Variants in RBM25 observed in about 807,000 individuals in gnomAD.
RBM25 encodes RNA binding motif protein 25.
A neutral mutation model predicts 120.7 loss-of-function variants in RBM25; 19 were observed. The observed-to-expected ratio is 0.16, with a 90% CI of 0.11 to 0.23. The LOEUF is 0.23. RBM25 is among the 10% of genes least tolerant of loss of function. The pLI is 1.00. For synonymous variants in RBM25, 390 were observed against 326.7 expected (o/e 1.19, Z -2.09); for missense variants, 605 against 1,041.5 (o/e 0.58, Z 5.77).
At chr14:73,093,549 C>T (rs1482328518) in intron 6 of RBM25, among the ~76,000 whole-genome samples, 3 of 152,184 alleles carry the variant, frequency 2.0e-5, no homozygotes, top group Non-Finnish European at 4.4e-5. Flanking sequence ...TCTTGTCGCC[C>T]AGGCTGGAGT....
Position 73,103,276 on chromosome 14 carries a change from A to AGGGAACGAGAAAGGCGAGAAC in RBM25, c.967_987dup (p.Arg323_Arg329dup). ...GAGAGAAAGAGAGAGGGAGCGTGAA[A>AGGGAACGAGAAAGGCGAGAAC]GGGAACGAGAAAGGCGAGAACGGGA... On this transcript the variant is annotated inframe_insertion, in exon 10 of 19. Coordinates refer to ENST00000261973, the MANE Select transcript of RBM25 (RefSeq NM_021239.3). The AGGGAACGAGAAAGGCGAGAAC allele has an allele frequency of 6.3e-7, 1 of 1,592,072 alleles. No homozygotes were observed. Among genetic ancestry groups the AGGGAACGAGAAAGGCGAGAAC allele is most frequent in the Non-Finnish European group, 8.6e-7 (1 of 1,167,918 alleles).
In RBM25 at chr14:73,103,382, G is replaced by A. The variant is rs1242801651; in HGVS notation, c.1058G>A (p.Arg353Gln). 5 of 1,611,542 alleles carry A rather than the reference G, an allele frequency of 3.1e-6. No individual in the cohort carries two copies. Among genetic ancestry groups the A allele is most frequent in the Non-Finnish European group, 4.2e-6 (5 of 1,178,908 alleles). The stretch of plus-strand genomic sequence containing the variant: ...CGAGAACGGGATAGGGACCGTGACC[G>A]GACAAAAGAGAGAGACCGAGATCGG... ...RERERDRDRD[R>Q]TKERDRDRDR... is the part of the protein sequence containing the mutation. Residue 353 changes from arginine (R) to glutamine (Q), a missense_variant, in exon 10 of 19, where the codon CGG becomes CAG. This residue lies in a region of RBM25 where 465 missense variants were observed against 741.6 expected (regional missense o/e 0.63). Transcript: ENST00000261973.
intron 14 of RBM25, 105 bp downstream of exon 14, chr14:73,109,597 T>C: frequency 9.2e-7 from 1 of 1,082,586 alleles, no homozygotes; most frequent in South Asian, 1.6e-5. Flanking sequence ...ATCGAGATCA[T>C]CCTGGCTAAC....
intron 12 of RBM25, among the ~76,000 whole-genome samples, chr14:73,107,120 C>T (rs1896207215): frequency 6.6e-6 from 1 of 152,150 alleles, no homozygotes; most frequent in African/African-American, 2.4e-5. Flanking sequence ...GGATTACAGG[C>T]GTGTGCCACC....
chr14:73,110,180 C>T (rs1026934989), intron 14 of RBM25, among the ~76,000 whole-genome samples: 4 of 147,550 alleles, frequency 2.7e-5, no homozygotes, highest in African/African-American at 5.1e-5. Context: ...CCACCGTGCC[C>T]GGCCTTTTTT....
chr14:73,114,843 C>T (rs888772021), intron 18 of RBM25, among the ~76,000 whole-genome samples: 7 of 152,092 alleles, frequency 4.6e-5, no homozygotes, highest in Middle Eastern at 3.2e-3. Context: ...TGCAGTGAGC[C>T]GAGATCATGC....
In RBM25 at chr14:73,081,866, C is replaced by G. The variant is rs1236992370; in HGVS notation, c.325-1628C>G. Reference sequence around the variant, plus strand: ...ACTGTTTTTCCCTGGAATGCCTCTCCTAGTGAGGATTTGACTGATTGGAGG... The same window carrying G: ...ACTGTTTTTCCCTGGAATGCCTCTCGTAGTGAGGATTTGACTGATTGGAGG... On this transcript the variant is annotated intron_variant, in intron 4 of 18. Coordinates refer to ENST00000261973, the MANE Select transcript of RBM25 (RefSeq NM_021239.3). Among the ~76,000 whole-genome samples, 4 of 152,184 alleles carry G rather than the reference C, an allele frequency of 2.6e-5. No homozygotes were observed. In the South Asian group the frequency reaches 6.2e-4, roughly 24 times the overall value.
intron 18 of RBM25, 98 bp downstream of exon 18, chr14:73,114,431 A>G (rs971352391): frequency 1.6e-5 from 13 of 833,642 alleles, no homozygotes; most frequent in Non-Finnish European, 2.4e-5. Context: ...CACGTTGCCC[A>G]GGGTAGTCTT....
At chr14:73,078,603 A>G (rs1006743894) in intron 4 of RBM25, among the ~76,000 whole-genome samples, 1 of 152,206 alleles carries the variant, frequency 6.6e-6, no homozygotes, top group African/African-American at 2.4e-5. Context: ...CCATGATCCA[A>G]TGAAAGATTT....
intron 6 of RBM25, among the ~76,000 whole-genome samples, chr14:73,096,620 T>C (rs1895947324): frequency 6.6e-6 from 1 of 152,200 alleles, no homozygotes; most frequent in Non-Finnish European, 1.5e-5. Context: ...AGCAAAACAG[T>C]CTGAAAACTT....
At chr14:73,117,947 T>A (rs1319344071) in intron 18 of RBM25, among the ~76,000 whole-genome samples, 1 of 152,092 alleles carries the variant, frequency 6.6e-6, no homozygotes, top group Admixed American at 6.6e-5. Flanking sequence ...GATGTGTGTA[T>A]GGGATGATGG....
At chr14:73,084,138 TCCA>T (rs1895629878) in intron 5 of RBM25, among the ~76,000 whole-genome samples, 1 of 152,004 alleles carries the variant, frequency 6.6e-6, no homozygotes, top group Non-Finnish European at 1.5e-5. Flanking sequence ...CCTCAGATGA[TCCA>T]CCCGCCTTGA....
chr14:73,114,483 AAGT>A, intron 18 of RBM25, 150 bp downstream of exon 18: 1 of 511,844 alleles, frequency 2.0e-6, no homozygotes, highest in Non-Finnish European at 3.3e-6. Flanking sequence ...CAGCCTCCCA[AAGT>A]GTTGAGATTA....
At chr14:73,107,570 A>G (rs1477302032) in intron 12 of RBM25, 5 of 352,132 alleles carry the variant, frequency 1.4e-5, no homozygotes, top group Non-Finnish European at 5.1e-6. Flanking sequence ...TAGCCCAACA[A>G]GTTTATTTAA....
chr14:73,083,649 G>A (rs1895615696), intron 5 of RBM25, 98 bp downstream of exon 5: 1 of 817,042 alleles, frequency 1.2e-6, no homozygotes, highest in Middle Eastern at 2.9e-4. Context: ...TTATCAGTAA[G>A]ACTTATTTTA....
rs1896570368 is a variant in RBM25 at position 73,123,576 on chromosome 14, T to C, written c.*3771T>C. The C allele has an allele frequency of 6.6e-6, 1 of 152,260 alleles. No individual in the cohort carries two copies. The highest frequency in any genetic ancestry group is 1.5e-5 in the Non-Finnish European group (1 of 68,054). 9.4% of individuals were successfully genotyped at this position (152,260 alleles called of 1,614,324 possible). A position where few individuals can be genotyped will look rare whatever the true frequency, so the allele number is the denominator to read the frequency against. Reference sequence around the variant, plus strand: ...CAAGCAGGCAAAGAAACAGTCTAGCTGTCAAGAAGAAAACAGGGAGATACA... The same window carrying C: ...CAAGCAGGCAAAGAAACAGTCTAGCCGTCAAGAAGAAAACAGGGAGATACA... On this transcript the variant is annotated 3_prime_UTR_variant, in exon 19 of 19. Coordinates refer to ENST00000261973, the MANE Select transcript of RBM25 (RefSeq NM_021239.3).
chr14:73,090,520 A>G (rs1895789996), intron 6 of RBM25, among the ~76,000 whole-genome samples: 1 of 152,108 alleles, frequency 6.6e-6, no homozygotes, highest in Non-Finnish European at 1.5e-5. Flanking sequence ...TTGAAATTCT[A>G]TCCATACTTA....
At chr14:73,075,437 G>C (rs144131961) in intron 2 of RBM25, among the ~76,000 whole-genome samples, 2 of 152,128 alleles carry the variant, frequency 1.3e-5, no homozygotes, top group Non-Finnish European at 2.9e-5. Context: ...GGCATTACAG[G>C]CGTGAGCCAC....
intron 1 of RBM25, among the ~76,000 whole-genome samples, chr14:73,062,271 C>G (rs887617259): frequency 6.6e-6 from 1 of 151,320 alleles, no homozygotes. Flanking sequence ...AGTAGTTTTT[C>G]TGTTAAGCAT....
Sources: gnomAD v4.1 joint callset for allele counts (sites outside exome capture counted in the v4.1 genomes callset) on GRCh38, gnomAD v4.1.1 for gene constraint, gnomAD v4.1.1 regional missense constraint, MANE v1.5 for transcripts, NCBI Gene and HGNC (gene_info 2026-07-23, HGNC 2026-07-21) for gene names.